The following MYEF2 variants were observed in gnomAD, a reference collection of about 807,000 sequenced individuals.
MYEF2 encodes myelin gene expression factor 2.
MYEF2 carries 37 observed loss-of-function variants against 75.2 expected under a neutral mutation model. The observed-to-expected ratio is 0.49, with a 90% confidence interval of 0.38 to 0.65. MYEF2 has a LOEUF of 0.65. MYEF2 is among the 30% of genes least tolerant of loss of function. The pLI is 0.00. For missense variants in MYEF2, 634 were observed against 771.4 expected (o/e 0.82, Z 2.11); for synonymous variants, 195 against 241.6 (o/e 0.81, Z 1.79).
At chr15:48,174,405 T>C (rs959975908) in intron 1 of MYEF2, among the ~76,000 whole-genome samples, 2 of 139,306 alleles carry the variant, frequency 1.4e-5, no homozygotes, top group African/African-American at 2.6e-5. Context: ...TTTTTTTTTT[T>C]GATATGACAC....
chr15:48,137,322 C>T lies in MYEF2; in HGVS notation c.*5586G>A. The T allele has an allele frequency of 5.4e-6, 1 of 183,512 alleles. No homozygotes were observed. The highest frequency in any genetic ancestry group is 1.1e-5 in the Non-Finnish European group (1 of 88,624). 11.4% of individuals were successfully genotyped at this position (183,512 alleles called of 1,614,324 possible). On this transcript the variant is annotated 3_prime_UTR_variant, in exon 17 of 17. Coordinates refer to ENST00000324324, the MANE Select transcript of MYEF2 (RefSeq NM_016132.5). ...TTTAACTAATGACATATGTTATGAC[C>T]AATAAGTAGCAGCTACTGAGGTCTT...
Position 48,142,519 on chromosome 15 carries a change from T to C in MYEF2, c.*389A>G. On this transcript the variant is annotated 3_prime_UTR_variant, in exon 17 of 17. Transcript: ENST00000324324. ...ATCCTAATTTTTCTGAGCCCTTTCT[T>C]TTCATGAAAAATTACATATTATAAA... 1.8e-6 allele frequency: 1 copy of C among 544,394 alleles called. No individual in the cohort carries two copies. Among genetic ancestry groups the C allele is most frequent in the South Asian group, 3.9e-5 (1 of 25,428 alleles). The allele number at this position is 544,394 out of a possible 1,614,324, so 33.7% of individuals were successfully genotyped here. A position where few individuals can be genotyped will look rare whatever the true frequency, so the allele number is the denominator to read the frequency against.
intron 1 of MYEF2, among the ~76,000 whole-genome samples, chr15:48,171,778 A>C (rs1395180634): frequency 6.6e-6 from 1 of 152,216 alleles, no homozygotes. Context: ...ATGATGCTAC[A>C]TAATTCCAAA....
At chr15:48,165,636 A>G (rs2040106305) in intron 5 of MYEF2, among the ~76,000 whole-genome samples, 2 of 152,016 alleles carry the variant, frequency 1.3e-5, no homozygotes, top group Admixed American at 1.3e-4. Flanking sequence ...AAATGTCTGT[A>G]CCAAATAAAC....
chr15:48,152,396 C>T, intron 10 of MYEF2, 112 bp from the exon 11 acceptor site: 1 of 873,960 alleles, frequency 1.1e-6, no homozygotes, highest in Non-Finnish European at 1.8e-6. Flanking sequence ...CAATGAAACA[C>T]TAGAGAAGCG....
Position 48,136,289 on chromosome 15 carries a change from T to TG in MYEF2, c.*6618_*6619insC, listed in dbSNP as rs2038897375. 1 of 154,494 alleles carries TG rather than the reference T, an allele frequency of 6.5e-6. No homozygotes were observed. The highest frequency in any genetic ancestry group is 2.4e-5 in the African/African-American group (1 of 41,534). 9.6% of individuals were successfully genotyped at this position (154,494 alleles called of 1,614,324 possible). ...CAGTTACTATATTATTTTATAATTA[T>TG]TATGTATGTTGGGGAATGTATTATG... On this transcript the variant is annotated 3_prime_UTR_variant, in exon 17 of 17. Transcript: ENST00000324324.
intron 16 of MYEF2, among the ~76,000 whole-genome samples, chr15:48,143,359 A>C (rs1188311279): frequency 6.6e-6 from 1 of 152,086 alleles, no homozygotes; most frequent in Non-Finnish European, 1.5e-5. Flanking sequence ...TTTATAAGCA[A>C]TAAGTCAAGC....
In MYEF2 at chr15:48,149,409, T is replaced by C; in HGVS notation, c.1379-38A>G. On this transcript the variant is annotated intron_variant, in intron 14 of 16. Coordinates refer to ENST00000324324, the MANE Select transcript of MYEF2 (RefSeq NM_016132.5). This position sits in a 1 kb window ranked among gnomAD's most constrained non-coding sequence, Gnocchi z 4.0. ...GAAAGGACGGGGGGATTTGGGAATTTTGTGTTTTTGTTTCAAAAACATAAG... is the reference window on the plus strand; with the variant it reads ...GAAAGGACGGGGGGATTTGGGAATTCTGTGTTTTTGTTTCAAAAACATAAG... 1 of 1,596,826 alleles carries C rather than the reference T, an allele frequency of 6.3e-7. No individual in the cohort carries two copies. The highest frequency in any genetic ancestry group is 1.1e-5 in the South Asian group (1 of 89,628).
At chr15:48,170,785 C>G (rs139246752) in intron 1 of MYEF2, among the ~76,000 whole-genome samples, 2 of 152,290 alleles carry the variant, frequency 1.3e-5, no homozygotes, top group African/African-American at 4.8e-5. Flanking sequence ...AGAACAAAAA[C>G]TATCTGCTTT....
At chr15:48,164,456 A>G (rs1360398606) in intron 5 of MYEF2, among the ~76,000 whole-genome samples, 1 of 152,236 alleles carries the variant, frequency 6.6e-6, no homozygotes, top group Non-Finnish European at 1.5e-5. Flanking sequence ...CACCTGGTGA[A>G]TATGCTATGT....
chr15:48,176,461 A>G (rs1461766288), intron 1 of MYEF2, among the ~76,000 whole-genome samples: 2 of 152,176 alleles, frequency 1.3e-5, no homozygotes, highest in African/African-American at 2.4e-5. Flanking sequence ...TTCTCTTCCT[A>G]AATTAGAAAA....
At chr15:48,159,503 CTTACT>C (rs1348879099) in intron 6 of MYEF2, 105 bp downstream of exon 6, 2 of 902,002 alleles carry the variant, frequency 2.2e-6, no homozygotes, top group African/African-American at 1.7e-5. Flanking sequence ...TACTATTTCA[CTTACT>C]TTAGTTAAAA....
chr15:48,151,272 A>G, intron 13 of MYEF2, 101 bp from the exon 14 acceptor site: 1 of 1,150,148 alleles, frequency 8.7e-7, no homozygotes, highest in Middle Eastern at 2.5e-4. Flanking sequence ...AATGAAAAGC[A>G]TAAAGTCTTC....
In MYEF2 at chr15:48,137,577, C is replaced by A. The variant is rs575269400; in HGVS notation, c.*5331G>T. On this transcript the variant is annotated 3_prime_UTR_variant, in exon 17 of 17. Coordinates refer to ENST00000324324, the MANE Select transcript of MYEF2 (RefSeq NM_016132.5). ...GAGACAAAGAGGTCTGTAAGAGAGG[C>A]TATTACAACAGCTGATGTGTTTACT... is the stretch of plus-strand genomic sequence containing the variant. 6.6e-6 allele frequency: 1 copy of A among 152,146 alleles called. No individual in the cohort carries two copies. Among genetic ancestry groups the A allele is most frequent in the South Asian group, 2.1e-4 (1 of 4,808 alleles). 9.4% of individuals were successfully genotyped at this position (152,146 alleles called of 1,614,324 possible). A position where few individuals can be genotyped will look rare whatever the true frequency, so the allele number is the denominator to read the frequency against.
At chr15:48,144,499 A>T (rs1383126054) in intron 16 of MYEF2, among the ~76,000 whole-genome samples, 1 of 152,010 alleles carries the variant, frequency 6.6e-6, no homozygotes, top group Non-Finnish European at 1.5e-5. Context: ...TAGTCTTTAA[A>T]TGTGTTCTGA....
Position 48,135,632 on chromosome 15 carries a change from A to G in MYEF2, c.*7276T>C, listed in dbSNP as rs1448970723. 18 of 152,132 alleles carry G rather than the reference A, an allele frequency of 1.2e-4. No homozygotes were observed. The highest frequency in any genetic ancestry group is 1.2e-3 in the Admixed American group (18 of 15,244). 9.4% of individuals were successfully genotyped at this position (152,132 alleles called of 1,614,324 possible). ...GGTCCTTCTCACTATGCTAGATATC[A>G]TAAGGGATAATGAAATGTAAAACAC... is the stretch of plus-strand genomic sequence containing the variant. On this transcript the variant is annotated 3_prime_UTR_variant, in exon 17 of 17. Coordinates refer to ENST00000324324, the MANE Select transcript of MYEF2 (RefSeq NM_016132.5).
At chr15:48,172,663 T>C (rs997764906) in intron 1 of MYEF2, among the ~76,000 whole-genome samples, 1 of 151,238 alleles carries the variant, frequency 6.6e-6, no homozygotes, top group Admixed American at 6.6e-5. Flanking sequence ...TAGAAAAATA[T>C]ATAAAGAAAT....
At chr15:48,175,664 A>T (rs2040492881) in intron 1 of MYEF2, among the ~76,000 whole-genome samples, 1 of 152,122 alleles carries the variant, frequency 6.6e-6, no homozygotes, top group Non-Finnish European at 1.5e-5. Context: ...CAGCTAAAGA[A>T]CACATTACCT....
At chr15:48,145,611 C>T (rs1349790546) in intron 16 of MYEF2, among the ~76,000 whole-genome samples, 4 of 151,718 alleles carry the variant, frequency 2.6e-5, no homozygotes, top group Admixed American at 6.6e-5. Context: ...TTATTTAACC[C>T]AGTCTATAAA....
Sources: gnomAD v4.1 joint callset for allele counts (sites outside exome capture counted in the v4.1 genomes callset) on GRCh38, gnomAD v4.1.1 for gene constraint, Gnocchi (gnomAD v3.1) non-coding constraint, MANE v1.5 for transcripts, NCBI Gene and HGNC (gene_info 2026-07-23, HGNC 2026-07-21) for gene names.